The following KCNQ1OT1 variants were observed in gnomAD, a reference collection of about 807,000 sequenced individuals.
The protein encoded by KCNQ1OT1 is KCNQ1 antisense RNA 2 (non-protein coding).
chr11:2,685,534 G>C, exon 1 of KCNQ1OT1: 2 of 398,772 alleles, frequency 5.0e-6, no homozygotes, highest in Non-Finnish European at 8.8e-6. Flanking sequence ...TACAGGTGCA[G>C]TGGGAGGATC....
Position 2,648,189 on chromosome 11 carries a change from A to G in KCNQ1OT1, n.51806T>C, listed in dbSNP as rs868134709. ...CACTGCGCTCTAGCCTGGGTGACAGAGTGAGACCGTGTCTCGGGGGGTGGG... is the reference window on the plus strand; with the variant it reads ...CACTGCGCTCTAGCCTGGGTGACAGGGTGAGACCGTGTCTCGGGGGGTGGG... On this transcript the variant is annotated non_coding_transcript_exon_variant, in exon 1 of 1. Transcript: ENST00000597346. 7.1e-5 allele frequency: 9 copies of G among 126,322 alleles called. No homozygotes were observed. The South Asian group carries it at 2.7e-3, about 38-fold the overall frequency. 7.8% of individuals were successfully genotyped at this position (126,322 alleles called of 1,614,324 possible).
exon 1 of KCNQ1OT1, chr11:2,684,656 G>T (rs1850453513): frequency 2.5e-6 from 1 of 398,672 alleles, no homozygotes; most frequent in Non-Finnish European, 4.4e-6. Flanking sequence ...GGAAAGAAAG[G>T]CTTGTTGGAT....
rs1276661012 is a variant in KCNQ1OT1 at position 2,674,871 on chromosome 11, C to T, written n.25124G>A. 3.1e-5 allele frequency: 12 copies of T among 388,652 alleles called. No homozygotes were observed. Among genetic ancestry groups the T allele is most frequent in the Non-Finnish European group, 4.9e-5 (11 of 223,742 alleles). 24.1% of individuals were successfully genotyped at this position (388,652 alleles called of 1,614,324 possible). ...AAAAAAAAAAAAAAAGCTCACTGGG[C>T]ACCTTGGCTGCAGGGTCTGAAAAGT... is the stretch of plus-strand genomic sequence containing the variant. On this transcript the variant is annotated non_coding_transcript_exon_variant, in exon 1 of 1. Coordinates refer to ENST00000597346, the Ensembl canonical transcript of KCNQ1OT1. The surrounding 1 kb of genome is among the most constrained non-coding windows in gnomAD (Gnocchi z 5.9).
rs73417368 is a variant in KCNQ1OT1, at chr11:2,640,219, C to T, written n.59776G>A. ...AGTGGGCTGCACCCACTGTCCTGTA[C>T]CCACTGTCTTGACGAGCCCCAGTGA... On this transcript the variant is annotated non_coding_transcript_exon_variant, in exon 1 of 1. Coordinates refer to ENST00000597346, the Ensembl canonical transcript of KCNQ1OT1. The T allele has an allele frequency of 1.3e-3, 500 of 394,604 alleles. 4 individuals carry two copies. Among genetic ancestry groups the T allele is most frequent in the African/African-American group, 9.2e-3 (446 of 48,702 alleles). 24.4% of individuals were successfully genotyped at this position (394,604 alleles called of 1,614,324 possible).
At position 2,624,075 on chromosome 11, in the gene KCNQ1OT1, A is replaced by G. The variant is rs1849222568; in HGVS notation, n.75920T>C. The G allele has an allele frequency of 2.5e-6, 1 of 398,690 alleles. No individual in the cohort carries two copies. The allele number at this position is 398,690 out of a possible 1,614,324, so 24.7% of individuals were successfully genotyped here. On this transcript the variant is annotated non_coding_transcript_exon_variant, in exon 1 of 1. Coordinates refer to ENST00000597346, the Ensembl canonical transcript of KCNQ1OT1. The surrounding 1 kb of genome is among the most constrained non-coding windows in gnomAD (Gnocchi z 4.9). ...CCTGTTGCCCCACATATTGGCAAGT[A>G]TTTGGTATTGTCAGTGTTTTGAATT...
At chr11:2,681,384 G>T (rs185086888) in exon 1 of KCNQ1OT1, 1 of 398,428 alleles carries the variant, frequency 2.5e-6, no homozygotes, top group East Asian at 3.6e-5. Context: ...ATGGCTCTTG[G>T]GGCTGGGGTG....
Position 2,618,308 on chromosome 11 carries a change from T to TA in KCNQ1OT1, n.81686dup, listed in dbSNP as rs574206243. 2.0e-4 allele frequency: 80 copies of TA among 398,460 alleles called. No homozygotes were observed. Among genetic ancestry groups the TA allele is most frequent in the African/African-American group, 1.3e-3 (62 of 48,708 alleles). The allele number at this position is 398,460 out of a possible 1,614,324, so 24.7% of individuals were successfully genotyped here. ...CTAACAATAACAACAGCTGATGGGCTAAAAAAATGCAAAAAAATTCAATGT... is the reference window on the plus strand; with the variant it reads ...CTAACAATAACAACAGCTGATGGGCTAAAAAAAATGCAAAAAAATTCAATGT... On this transcript the variant is annotated non_coding_transcript_exon_variant, in exon 1 of 1. Transcript: ENST00000597346.
exon 1 of KCNQ1OT1, chr11:2,614,057 C>A: frequency 2.5e-6 from 1 of 398,556 alleles, no homozygotes; most frequent in South Asian, 1.3e-4. Context: ...ACCTTTCAAC[C>A]AATCTCTTAT....
At chr11:2,685,692 C>A (rs946473417) in exon 1 of KCNQ1OT1, 8 of 398,556 alleles carry the variant, frequency 2.0e-5, no homozygotes, top group African/African-American at 1.6e-4. Context: ...GGACTTCAGG[C>A]CTTCGGTCTG....
exon 1 of KCNQ1OT1, chr11:2,699,942 C>T (rs1441076950): frequency 1.5e-5 from 6 of 398,292 alleles, no homozygotes; most frequent in East Asian, 1.1e-4. Flanking sequence ...CTGGCAGGAT[C>T]TTGCTGAGGA....
At position 2,673,127 on chromosome 11, in the gene KCNQ1OT1, G is replaced by A. The variant is rs1423675772; in HGVS notation, n.26868C>T. 5 of 398,734 alleles carry A rather than the reference G, an allele frequency of 1.3e-5. No individual in the cohort carries two copies. Among genetic ancestry groups the A allele is most frequent in the Admixed American group, 8.8e-5 (2 of 22,720 alleles). The allele number at this position is 398,734 out of a possible 1,614,324, so 24.7% of individuals were successfully genotyped here. On this transcript the variant is annotated non_coding_transcript_exon_variant, in exon 1 of 1. Transcript: ENST00000597346. This position sits in a 1 kb window ranked among gnomAD's most constrained non-coding sequence, Gnocchi z 4.5. ...AGGAGACCCCAGCAGGCAGCATCAGGGCAGGGGTGCTGACCATCCCTGACC... is the reference window on the plus strand; with the variant it reads ...AGGAGACCCCAGCAGGCAGCATCAGAGCAGGGGTGCTGACCATCCCTGACC...
chr11:2,661,645 T>C lies in KCNQ1OT1; in HGVS notation n.38350A>G. The stretch of plus-strand genomic sequence containing the variant: ...TTTTATTCTTGACCCAAGTGTCAGT[T>C]GTGAACATGGGAAGAGGCCCAGAAC... On this transcript the variant is annotated non_coding_transcript_exon_variant, in exon 1 of 1. Transcript: ENST00000597346. This position sits in a 1 kb window ranked among gnomAD's most constrained non-coding sequence, Gnocchi z 5.9. 1 of 594,938 alleles carries C rather than the reference T, an allele frequency of 1.7e-6. No individual in the cohort carries two copies. The highest frequency in any genetic ancestry group is 3.0e-6 in the Non-Finnish European group (1 of 333,860). The allele number at this position is 594,938 out of a possible 1,614,324, so 36.9% of individuals were successfully genotyped here.
At chr11:2,648,197 C>A (rs564466058) in exon 1 of KCNQ1OT1, 1 of 118,222 alleles carries the variant, frequency 8.5e-6, no homozygotes, top group South Asian at 3.1e-4. Context: ...AGAGTGAGAC[C>A]GTGTCTCGGG....
chr11:2,688,986 C>T (rs978243575), exon 1 of KCNQ1OT1: 6 of 398,746 alleles, frequency 1.5e-5, no homozygotes, highest in Non-Finnish European at 2.7e-5. Context: ...ATCTGGAGAG[C>T]AGGGGAGCCT....
At chr11:2,656,093 G>A in exon 1 of KCNQ1OT1, 3 of 398,666 alleles carry the variant, frequency 7.5e-6, no homozygotes, top group Non-Finnish European at 4.4e-6. Flanking sequence ...CATCATGGGT[G>A]TTTGGAAAGC....
rs911717090 is a variant in KCNQ1OT1 at position 2,642,808 on chromosome 11, A to G, written n.57187T>C. 1 of 397,814 alleles carries G rather than the reference A, an allele frequency of 2.5e-6. No homozygotes were observed. Among genetic ancestry groups the G allele is most frequent in the Non-Finnish European group, 4.4e-6 (1 of 225,682 alleles). The allele number at this position is 397,814 out of a possible 1,614,324, so 24.6% of individuals were successfully genotyped here. A position where few individuals can be genotyped will look rare whatever the true frequency, so the allele number is the denominator to read the frequency against. On this transcript the variant is annotated non_coding_transcript_exon_variant, in exon 1 of 1. Coordinates refer to ENST00000597346, the Ensembl canonical transcript of KCNQ1OT1. This position sits in a 1 kb window ranked among gnomAD's most constrained non-coding sequence, Gnocchi z 4.3. The stretch of plus-strand genomic sequence containing the variant: ...TTAATGGAGGCATTTATTACAATAA[A>G]CTTTCCTCTTAGCATTGCTTTTGCA...
At position 2,671,480 on chromosome 11, in the gene KCNQ1OT1, C is replaced by T. The variant is rs886989400; in HGVS notation, n.28515G>A. 1.3e-5 allele frequency: 5 copies of T among 398,480 alleles called. No homozygotes were observed. Among genetic ancestry groups the T allele is most frequent in the Admixed American group, 4.4e-5 (1 of 22,716 alleles). The allele number at this position is 398,480 out of a possible 1,614,324, so 24.7% of individuals were successfully genotyped here. ...CCCAGCAGGGGATATACACAAAGAT[C>T]TGAGAAAGGGATTATTTTTAGGGCC... On this transcript the variant is annotated non_coding_transcript_exon_variant, in exon 1 of 1. Coordinates refer to ENST00000597346, the Ensembl canonical transcript of KCNQ1OT1. The surrounding 1 kb of genome is among the most constrained non-coding windows in gnomAD (Gnocchi z 4.7).
At chr11:2,689,540 C>T (rs1850554892) in exon 1 of KCNQ1OT1, 1 of 398,532 alleles carries the variant, frequency 2.5e-6, no homozygotes, top group Non-Finnish European at 4.4e-6. Flanking sequence ...ATGAAGCTTG[C>T]ACAGGAAGAA....
chr11:2,679,001 G>A lies in KCNQ1OT1; in HGVS notation n.20994C>T, dbSNP rs190410753. ...CTAATTCAAGAATTTTTAAAAACCC[G>A]CAATAAGAAACATAATCTAAAACTT... On this transcript the variant is annotated non_coding_transcript_exon_variant, in exon 1 of 1. Coordinates refer to ENST00000597346, the Ensembl canonical transcript of KCNQ1OT1. This position sits in a 1 kb window ranked among gnomAD's most constrained non-coding sequence, Gnocchi z 4.8. The A allele has an allele frequency of 3.3e-5, 13 of 398,526 alleles. No homozygotes were observed. Among genetic ancestry groups the A allele is most frequent in the East Asian group, 7.1e-5 (2 of 28,080 alleles). 24.7% of individuals were successfully genotyped at this position (398,526 alleles called of 1,614,324 possible).
Sources: gnomAD v4.1 joint callset for allele counts on GRCh38, gnomAD v4.1.1 for gene constraint, Gnocchi (gnomAD v3.1) non-coding constraint, MANE v1.5 for transcripts, NCBI Gene and HGNC (gene_info 2026-07-23, HGNC 2026-07-21) for gene names.